Variants in ERC2 observed in about 807,000 individuals in gnomAD.
ERC2 encodes ERC protein 2.
ERC2 carries 42 observed loss-of-function variants against 114.8 expected under a neutral mutation model. The observed-to-expected ratio is 0.37, with a 90% CI of 0.29 to 0.47. The LOEUF (loss-of-function observed/expected upper bound fraction) is 0.47, where lower values mean the gene tolerates loss of function less well. Ranked by LOEUF, ERC2 falls within the 20% of genes least tolerant of loss-of-function variation. ERC2 has a pLI of 0.99. For missense variants in ERC2, 939 were observed against 1,150.7 expected, an observed-to-expected ratio of 0.82 and a Z score of 2.66; for synonymous variants, 454 against 425.5, an observed-to-expected ratio of 1.07 and a Z score of -0.82.
At chr3:55,766,382 G>A (rs1238879990) in intron 14 of ERC2, among the ~76,000 whole-genome samples, 1 of 151,708 alleles carries the variant, frequency 6.6e-6, no homozygotes, top group Non-Finnish European at 1.5e-5. Flanking sequence ...TTTTTTAGAT[G>A]GAGTCTCGCT....
At chr3:56,463,106 T>C (rs2063390168) in intron 1 of ERC2, among the ~76,000 whole-genome samples, 1 of 152,074 alleles carries the variant, frequency 6.6e-6, no homozygotes, top group African/African-American at 2.4e-5. Flanking sequence ...TGCGCACCTG[T>C]AGTTCCAGCT....
At chr3:55,641,668 C>T (rs998192038) in intron 17 of ERC2, among the ~76,000 whole-genome samples, 3 of 151,182 alleles carry the variant, frequency 2.0e-5, no homozygotes, top group Non-Finnish European at 4.4e-5. Flanking sequence ...TCCAGATAGC[C>T]TGTATAGGTT....
In ERC2 at chr3:55,920,643, T is replaced by G. The variant is rs73083357; in HGVS notation, c.2403+29782A>C. 8.5e-3 allele frequency among the ~76,000 whole-genome samples: 1,291 copies of G among 152,236 alleles called. 7 individuals are homozygous for G. The highest frequency in any genetic ancestry group is 0.014 in the Non-Finnish European group (950 of 68,006). ...TGGCATACATCAACATGAATTCTAC[T>G]TGAACCCTTTAGTGCTTCTTTATCT... On this transcript the variant is annotated intron_variant, in intron 13 of 17. Transcript: ENST00000288221.
intron 2 of ERC2, among the ~76,000 whole-genome samples, chr3:56,304,255 AG>A (rs1353068135): frequency 6.6e-6 from 1 of 152,196 alleles, no homozygotes; most frequent in Non-Finnish European, 1.5e-5. Flanking sequence ...TAATAAAACA[AG>A]CCTCTTCAGA....
At chr3:56,226,382 G>A (rs1054227670) in intron 3 of ERC2, among the ~76,000 whole-genome samples, 2 of 152,076 alleles carry the variant, frequency 1.3e-5, no homozygotes, top group Non-Finnish European at 2.9e-5. Context: ...ATTTGCTAAC[G>A]TTCTGTAGTT....
chr3:55,988,462 T>C (rs2070803570), intron 11 of ERC2, among the ~76,000 whole-genome samples: 1 of 152,182 alleles, frequency 6.6e-6, no homozygotes, highest in Non-Finnish European at 1.5e-5. Context: ...ACCACGCACA[T>C]GGAATTTAAG....
At chr3:56,095,242 T>C (rs1404310532) in intron 6 of ERC2, among the ~76,000 whole-genome samples, 2 of 151,992 alleles carry the variant, frequency 1.3e-5, no homozygotes, top group Non-Finnish European at 2.9e-5. Flanking sequence ...AAACAAAAAG[T>C]ATTAATATAG....
chr3:55,868,037 G>A (rs896653784), intron 14 of ERC2, among the ~76,000 whole-genome samples: 7 of 152,038 alleles, frequency 4.6e-5, no homozygotes, highest in African/African-American at 1.7e-4. Context: ...ATATTCATTT[G>A]GCCCTACCAT....
intron 2 of ERC2, among the ~76,000 whole-genome samples, chr3:56,415,278 A>G (rs2061105515): frequency 6.6e-6 from 1 of 152,244 alleles, no homozygotes; most frequent in Non-Finnish European, 1.5e-5. Context: ...GGATAGATAG[A>G]CAGATGGGTA....
At chr3:55,980,084 T>C (rs899858951) in intron 12 of ERC2, among the ~76,000 whole-genome samples, 25 of 148,340 alleles carry the variant, frequency 1.7e-4, no homozygotes, top group African/African-American at 6.2e-4. Context: ...GAACCCACTA[T>C]GTTTGCACGA....
At chr3:56,022,297 G>A (rs1266077231) in intron 7 of ERC2, among the ~76,000 whole-genome samples, 1 of 152,174 alleles carries the variant, frequency 6.6e-6, no homozygotes, top group African/African-American at 2.4e-5. Context: ...GCAATGGGAC[G>A]ACTGATGATT....
intron 3 of ERC2, among the ~76,000 whole-genome samples, chr3:56,216,841 G>A (rs1018947862): frequency 9.9e-5 from 15 of 152,200 alleles, no homozygotes; most frequent in East Asian, 1.9e-4. Flanking sequence ...TTCAACAAAC[G>A]CAAATCAATA....
intron 12 of ERC2, among the ~76,000 whole-genome samples, chr3:55,960,353 A>G (rs2149465615): frequency 6.6e-6 from 1 of 152,030 alleles, no homozygotes; most frequent in South Asian, 2.1e-4. Context: ...GCTCCTTCCC[A>G]CTGGAAGGTA....
chr3:56,102,545 T>A (rs1170969038), intron 6 of ERC2, among the ~76,000 whole-genome samples: 1 of 152,118 alleles, frequency 6.6e-6, no homozygotes, highest in Non-Finnish European at 1.5e-5. Flanking sequence ...AGGAATATAT[T>A]GAGATCATTC....
chr3:55,811,512 G>A (rs2059720089), intron 14 of ERC2, among the ~76,000 whole-genome samples: 1 of 152,162 alleles, frequency 6.6e-6, no homozygotes, highest in Non-Finnish European at 1.5e-5. Flanking sequence ...TTTGTCCAAT[G>A]TTCTTTGCTT....
chr3:55,568,365 G>T (rs2056503124), intron 17 of ERC2, among the ~76,000 whole-genome samples: 1 of 152,166 alleles, frequency 6.6e-6, no homozygotes, highest in African/African-American at 2.4e-5. Context: ...CATCCAGCAA[G>T]CAATAGTTAG....
At chr3:55,993,149 T>A (rs908588703) in intron 10 of ERC2, among the ~76,000 whole-genome samples, 14 of 152,170 alleles carry the variant, frequency 9.2e-5, no homozygotes, top group African/African-American at 3.4e-4. Context: ...TACCCCTTGT[T>A]TCCCATTATT....
intron 14 of ERC2, among the ~76,000 whole-genome samples, chr3:55,771,723 G>A (rs1269783896): frequency 7.2e-6 from 1 of 138,682 alleles, no homozygotes; most frequent in Non-Finnish European, 1.6e-5. Flanking sequence ...ATTGCACTGA[G>A]GCGAGATAAT....
At chr3:56,385,102 T>A (rs749297218) in intron 2 of ERC2, among the ~76,000 whole-genome samples, 58 of 152,260 alleles carry the variant, frequency 3.8e-4, no homozygotes, top group Non-Finnish European at 7.5e-4. Context: ...TAAGGATGTA[T>A]CTTATTTTGT....
Sources: gnomAD v4.1 joint callset for allele counts (sites outside exome capture counted in the v4.1 genomes callset) on GRCh38, gnomAD v4.1.1 for gene constraint, MANE v1.5 for transcripts, NCBI Gene and HGNC (gene_info 2026-07-23, HGNC 2026-07-21) for gene names.